Variants in FSTL4 observed in about 807,000 individuals in gnomAD.
The protein encoded by FSTL4 is follistatin like 4.
FSTL4 carries 28 observed loss-of-function variants against 78.2 expected under a neutral mutation model. That is an observed-to-expected ratio of 0.36 (90% CI 0.27 to 0.49). The LOEUF is 0.49. FSTL4 is among the 20% of genes least tolerant of loss of function. The pLI, the probability that FSTL4 is intolerant of heterozygous loss-of-function variation, is 0.98. For synonymous variants in FSTL4, 422 were observed against 440.5 expected, an observed-to-expected ratio of 0.96 and a Z score of 0.53; for missense variants, 922 against 1,084.9, an observed-to-expected ratio of 0.85 and a Z score of 2.11.
At chr5:133,312,392 C>T (rs530297754) in intron 6 of FSTL4, 3 of 472,624 alleles carry the variant, frequency 6.3e-6, no homozygotes, top group Non-Finnish European at 1.1e-5. Flanking sequence ...CACAGCTATG[C>T]TTCAATTACA....
At chr5:133,654,431 G>T in the FSTL4 span, among the ~76,000 whole-genome samples, 3 of 152,172 alleles carry the variant, frequency 2.0e-5, no homozygotes, top group African/African-American at 7.2e-5. Context: ...CAGAGTCCAT[G>T]TTCTTAACCC....
At chr5:133,482,449 G>A (rs1338821119) in intron 3 of FSTL4, among the ~76,000 whole-genome samples, 2 of 152,216 alleles carry the variant, frequency 1.3e-5, no homozygotes, top group African/African-American at 2.4e-5. Context: ...TCTGGGCTCA[G>A]CCATGGTTGT....
the FSTL4 span, among the ~76,000 whole-genome samples, chr5:133,713,685 C>G: frequency 2.0e-5 from 3 of 152,188 alleles, no homozygotes; most frequent in Non-Finnish European, 4.4e-5. Context: ...GCAAACCAAG[C>G]CACTGGGTCC....
chr5:133,225,514 G>T lies in FSTL4; in HGVS notation c.1177+144C>A. ...GCCCCAAAAGATCTGTGTGAGCCCA[G>T]ATAACAGGGAAATTTGGGAGCCATC... is the stretch of plus-strand genomic sequence containing the variant. On this transcript the variant is annotated intron_variant, in intron 9 of 15. Coordinates refer to ENST00000265342, the MANE Select transcript of FSTL4 (RefSeq NM_015082.2). This position sits in a 1 kb window ranked among gnomAD's most constrained non-coding sequence, Gnocchi z 4.6. The T allele has an allele frequency of 1.1e-6, 1 of 873,892 alleles. No individual in the cohort carries two copies. The highest frequency in any genetic ancestry group is 1.8e-6 in the Non-Finnish European group (1 of 557,830). 54.1% of individuals were successfully genotyped at this position (873,892 alleles called of 1,614,324 possible). A position where few individuals can be genotyped will look rare whatever the true frequency, so the allele number is the denominator to read the frequency against.
chr5:133,657,388 C>T, the FSTL4 span, among the ~76,000 whole-genome samples: 1 of 152,168 alleles, frequency 6.6e-6, no homozygotes, highest in Non-Finnish European at 1.5e-5. Context: ...ACCATAGCAT[C>T]CAAGTGACCA....
At chr5:133,372,776 T>C (rs1755342496) in intron 4 of FSTL4, among the ~76,000 whole-genome samples, 1 of 152,196 alleles carries the variant, frequency 6.6e-6, no homozygotes, top group Non-Finnish European at 1.5e-5. Context: ...CATTTTATGG[T>C]GCGAACTGAG....
At chr5:133,663,692 G>A in the FSTL4 span, among the ~76,000 whole-genome samples, 1 of 152,272 alleles carries the variant, frequency 6.6e-6, no homozygotes, top group Admixed American at 6.5e-5. Context: ...TTCACTGTAG[G>A]ATAGAGAAGT....
At position 133,603,867 on chromosome 5, in the gene FSTL4, T is replaced by C. The variant is rs1383218946; in HGVS notation, c.117A>G (p.Ser39=). ...SRGPDVGVGE[S]QAEEPRSFEV... is the part of the protein sequence containing the mutation. ...AGGGATTTGACTATACCTCTGCCTG[T>C]GACTCCCCCACACCCACATCCGGGC... The change falls in exon 2 of 16, where the codon TCA becomes TCG. Residue 39 remains serine, a synonymous_variant. Coordinates refer to ENST00000265342, the MANE Select transcript of FSTL4 (RefSeq NM_015082.2). 1.7e-5 allele frequency: 27 copies of C among 1,614,194 alleles called. No homozygotes were observed. Among genetic ancestry groups the C allele is most frequent in the Non-Finnish European group, 2.3e-5 (27 of 1,180,004 alleles).
the FSTL4 span, among the ~76,000 whole-genome samples, chr5:133,811,842 C>T: frequency 6.6e-6 from 1 of 152,178 alleles, no homozygotes; most frequent in African/African-American, 2.4e-5. Context: ...CTATCACAGG[C>T]CCAGACCTTT....
the FSTL4 span, among the ~76,000 whole-genome samples, chr5:133,661,139 C>T: frequency 9.2e-5 from 14 of 152,214 alleles, no homozygotes; most frequent in East Asian, 5.8e-4. Context: ...TACAGATGCG[C>T]GCCATCATGC....
chr5:133,502,871 T>C (rs1294408130), intron 3 of FSTL4, among the ~76,000 whole-genome samples: 1 of 152,218 alleles, frequency 6.6e-6, no homozygotes, highest in African/African-American at 2.4e-5. Context: ...AGCAAGGATC[T>C]CAGTTCTACT....
At chr5:133,708,496 G>A in the FSTL4 span, among the ~76,000 whole-genome samples, 1 of 152,240 alleles carries the variant, frequency 6.6e-6, no homozygotes, top group South Asian at 2.1e-4. Context: ...TCATGAACCA[G>A]AGCCACTGGA....
At position 133,550,043 on chromosome 5, in the gene FSTL4, A is replaced by T. The variant is rs73788145; in HGVS notation, c.160+17143T>A. Reference sequence around the variant, plus strand: ...CCCCATATCTCTTGAGGTCGTAACAATCAGAGTTCAAGGTCACCTGCATTG... The same window carrying T: ...CCCCATATCTCTTGAGGTCGTAACATTCAGAGTTCAAGGTCACCTGCATTG... On this transcript the variant is annotated intron_variant, in intron 3 of 15. Transcript: ENST00000265342. Among the ~76,000 whole-genome samples, 812 of 152,270 alleles carry T rather than the reference A, an allele frequency of 5.3e-3. 7 individuals are homozygous for T. Among genetic ancestry groups the T allele is most frequent in the African/African-American group, 0.019 (776 of 41,562 alleles).
At chr5:133,600,005 T>C (rs1760829866) in intron 2 of FSTL4, among the ~76,000 whole-genome samples, 1 of 152,200 alleles carries the variant, frequency 6.6e-6, no homozygotes, top group East Asian at 1.9e-4. Context: ...ATTCTATCAA[T>C]ATTGATTTTA....
intron 4 of FSTL4, among the ~76,000 whole-genome samples, chr5:133,337,641 C>T (rs966550084): frequency 2.6e-5 from 4 of 152,144 alleles, no homozygotes; most frequent in African/African-American, 9.7e-5. Flanking sequence ...ATGGGAATAC[C>T]AGCAATAATT....
Position 133,225,943 on chromosome 5 carries a change from T to A in FSTL4, c.1016-124A>T. ...AAGTAGGTGACTGGAGTTCTGTGTT[T>A]AACCAAATTATAATAATCCTGTCCA... On this transcript the variant is annotated intron_variant, in intron 8 of 15. Transcript: ENST00000265342. The surrounding 1 kb of genome is among the most constrained non-coding windows in gnomAD (Gnocchi z 4.6). The A allele has an allele frequency of 1.6e-6, 1 of 611,742 alleles. No homozygotes were observed. The highest frequency in any genetic ancestry group is 2.7e-6 in the Non-Finnish European group (1 of 368,222). The allele number at this position is 611,742 out of a possible 1,614,324, so 37.9% of individuals were successfully genotyped here.
At chr5:133,821,874 G>A in the FSTL4 span, among the ~76,000 whole-genome samples, 3 of 152,136 alleles carry the variant, frequency 2.0e-5, no homozygotes, top group African/African-American at 4.8e-5. Context: ...GGAACGTAGC[G>A]GTGCAAGGAG....
chr5:133,475,530 T>C (rs1757911194), intron 3 of FSTL4, among the ~76,000 whole-genome samples: 2 of 152,234 alleles, frequency 1.3e-5, no homozygotes, highest in Non-Finnish European at 2.9e-5. Context: ...GAAGGTCTTT[T>C]GAATTTATTT....
At chr5:133,686,513 T>C in the FSTL4 span, among the ~76,000 whole-genome samples, 1 of 152,232 alleles carries the variant, frequency 6.6e-6, no homozygotes, top group Non-Finnish European at 1.5e-5. Context: ...ATTAATTGTG[T>C]TTATTGGATG....
Sources: gnomAD v4.1 joint callset for allele counts (sites outside exome capture counted in the v4.1 genomes callset) on GRCh38, gnomAD v4.1.1 for gene constraint, Gnocchi (gnomAD v3.1) non-coding constraint, MANE v1.5 for transcripts, NCBI Gene and HGNC (gene_info 2026-07-23, HGNC 2026-07-21) for gene names.